The following CNNM3 variants were observed in gnomAD, a reference collection of about 807,000 sequenced individuals.
CNNM3 encodes the protein metal transporter CNNM3.
Under a neutral mutation model 57.1 loss-of-function variants are expected in CNNM3, and 47 were observed. That is an observed-to-expected ratio of 0.82 (90% CI 0.65 to 1.05). The LOEUF (loss-of-function observed/expected upper bound fraction) is 1.05. CNNM3 is among the 50% of genes least tolerant of loss of function. The probability of loss-of-function intolerance (pLI) is 0.00; values close to 1 mark genes in which losing one functional copy is unlikely to be tolerated. For synonymous variants in CNNM3, 507 were observed against 478.2 expected (o/e 1.06, Z -0.79); for missense variants, 957 against 973.7 (o/e 0.98, Z 0.23).
chr2:96,825,913 C>T (rs2079494368), intron 2 of CNNM3, among the ~76,000 whole-genome samples: 1 of 152,208 alleles, frequency 6.6e-6, no homozygotes, highest in African/African-American at 2.4e-5. Context: ...CTTCCCAAAG[C>T]AGCTGATCCC....
At position 96,816,391 on chromosome 2, in the gene CNNM3, G is replaced by A. The variant is rs1254904802; in HGVS notation, c.114G>A (p.Leu38=). 1.2e-5 allele frequency: 17 copies of A among 1,366,042 alleles called. No homozygotes were observed. The highest frequency in any genetic ancestry group is 1.5e-5 in the African/African-American group (1 of 65,382). 84.6% of individuals were successfully genotyped at this position (1,366,042 alleles called of 1,614,324 possible). The change falls in exon 1 of 8, where the codon CTG becomes CTA. Residue 38 remains leucine (L), a synonymous_variant. Coordinates refer to ENST00000305510, the MANE Select transcript of CNNM3 (RefSeq NM_017623.5). Reference sequence around the variant, plus strand: ...GCCCGCGAGTGCTGGGCTTCTGCCTGGAGGAGGATGGAGCGGCGGGCGCGG... The same window carrying A: ...GCCCGCGAGTGCTGGGCTTCTGCCTAGAGGAGGATGGAGCGGCGGGCGCGG... The part of the protein sequence containing the change: ...APGPRVLGFC[L]EEDGAAGAGW...
At chr2:96,817,741 G>T (rs560240561) in intron 1 of CNNM3, among the ~76,000 whole-genome samples, 1 of 145,562 alleles carries the variant, frequency 6.9e-6, no homozygotes, top group Non-Finnish European at 1.5e-5. Flanking sequence ...TAACCCCCGC[G>T]TCAGGATAGC....
rs2079663153 is a variant in CNNM3, at chr2:96,834,733, A to G, written c.*2117A>G. Among the ~76,000 whole-genome samples, 1 of 152,214 alleles carries G rather than the reference A, an allele frequency of 6.6e-6. No individual in the cohort carries two copies. Among genetic ancestry groups the G allele is most frequent in the African/African-American group, 2.4e-5 (1 of 41,446 alleles). ...ACCTTGGTACATTTATCAAAACTAA[A>G]GGTGCAATCATACTAATAGCTAGAG... On this transcript the variant is annotated 3_prime_UTR_variant, in exon 8 of 8. Coordinates refer to ENST00000305510, the MANE Select transcript of CNNM3 (RefSeq NM_017623.5).
intron 2 of CNNM3, among the ~76,000 whole-genome samples, chr2:96,826,376 CTAAT>C (rs2079505235): frequency 6.6e-6 from 1 of 152,086 alleles, no homozygotes; most frequent in African/African-American, 2.4e-5. Context: ...CCACACCCGT[CTAAT>C]TATTTTATTT....
At chr2:96,819,044 C>G (rs868587443) in intron 1 of CNNM3, among the ~76,000 whole-genome samples, 1 of 152,236 alleles carries the variant, frequency 6.6e-6, no homozygotes. Flanking sequence ...TTGCAGGAGG[C>G]CTGGGTGCTA....
chr2:96,817,553 TGAAAAGGGG>T, intron 1 of CNNM3, 51 bp downstream of exon 1: 1 of 1,533,194 alleles, frequency 6.5e-7, no homozygotes, highest in Non-Finnish European at 8.9e-7. Flanking sequence ...GCCCTCTCCC[TGAAAAGGGG>T]TGGAGAGTTA....
At chr2:96,829,325 C>T in intron 7 of CNNM3, 191 bp downstream of exon 7, 8 of 585,626 alleles carry the variant, frequency 1.4e-5, no homozygotes, top group Non-Finnish European at 1.5e-5. Context: ...TGGAGTCTTA[C>T]TCTGTTGCTC....
chr2:96,818,131 G>A (rs1574098323), intron 1 of CNNM3, among the ~76,000 whole-genome samples: 2 of 152,192 alleles, frequency 1.3e-5, no homozygotes, highest in Non-Finnish European at 2.9e-5. Flanking sequence ...CTGTCGCGCA[G>A]GCTGGAGTGC....
chr2:96,822,153 C>T (rs1025794351), intron 1 of CNNM3, among the ~76,000 whole-genome samples: 3 of 151,744 alleles, frequency 2.0e-5, no homozygotes, highest in African/African-American at 4.8e-5. Flanking sequence ...CAGGCGTGCA[C>T]CACCACGCCC....
intron 3 of CNNM3, among the ~76,000 whole-genome samples, chr2:96,827,481 T>C (rs2079528044): frequency 6.6e-6 from 1 of 152,078 alleles, no homozygotes; most frequent in Non-Finnish European, 1.5e-5. Context: ...TTGGCCAGGC[T>C]GGTCTCCAAC....
In CNNM3 at chr2:96,816,435, C is replaced by A; in HGVS notation, c.158C>A (p.Ala53Glu). ...GGCGCGGGTTGGGTACGCGGAGGGGCGGCGCGGGACACGCCGGACGCCACC... is the reference window on the plus strand; with the variant it reads ...GGCGCGGGTTGGGTACGCGGAGGGGAGGCGCGGGACACGCCGGACGCCACC... ...AAGAGWVRGGAARDTPDATFL... is the reference protein window; with the variant it reads ...AAGAGWVRGGEARDTPDATFL... The change falls in exon 1 of 8, where the codon GCG becomes GAG. Residue 53 changes from alanine (A) to glutamate (E), a missense_variant. By Grantham distance (107) the Ala-to-Glu change is moderately radical. Transcript: ENST00000305510. The A allele has an allele frequency of 7.2e-7, 1 of 1,398,532 alleles. No individual in the cohort carries two copies. The highest frequency in any genetic ancestry group is 9.3e-7 in the Non-Finnish European group (1 of 1,078,318). The allele number at this position is 1,398,532 out of a possible 1,614,324, so 86.6% of individuals were successfully genotyped here. A position where few individuals can be genotyped will look rare whatever the true frequency, so the allele number is the denominator to read the frequency against.
At chr2:96,836,486 C>A (rs1373434756), downstream of CNNM3, 1 of 152,132 alleles carries the variant, frequency 6.6e-6, no homozygotes, top group Non-Finnish European at 1.5e-5. Context: ...GATGATCTGC[C>A]CGCCTCAGCC....
Position 96,827,774 on chromosome 2 carries a change from G to A in CNNM3, c.1563G>A (p.Leu521=). 6.2e-7 allele frequency: 1 copy of A among 1,614,228 alleles called. No individual in the cohort carries two copies. Among genetic ancestry groups the A allele is most frequent in the South Asian group, 1.1e-5 (1 of 91,090 alleles). Residue 521 remains leucine (L), a synonymous_variant, in exon 4 of 8, where the codon CTG becomes CTA. Coordinates refer to ENST00000305510, the MANE Select transcript of CNNM3 (RefSeq NM_017623.5). ...CGCTGCGCATCTCTGAGAAGGTCCT[G>A]CTGCACCTGTTGAAGCATCCCAGTG... The part of the protein sequence containing the change: ...FSPLRISEKV[L]LHLLKHPSVN...
At chr2:96,829,298 T>G (rs925550740) in intron 7 of CNNM3, 164 bp downstream of exon 7, 3 of 718,874 alleles carry the variant, frequency 4.2e-6, no homozygotes, top group Non-Finnish European at 4.9e-6. Flanking sequence ...TATAAATAAT[T>G]TTTTTTTTTT....
intron 1 of CNNM3, chr2:96,824,774 C>T (rs3892872): frequency 2.0e-4 from 87 of 438,130 alleles, no homozygotes; most frequent in African/African-American, 1.4e-3. Flanking sequence ...TGGAGGTGCA[C>T]GGACCTGGAG....
chr2:96,824,793 C>G (rs1418701631), intron 1 of CNNM3: 2 of 477,908 alleles, frequency 4.2e-6, no homozygotes, highest in African/African-American at 3.9e-5. Context: ...AGCTGGATCC[C>G]AGCTCTGCCA....
chr2:96,829,399 C>A, intron 7 of CNNM3: 1 of 230,754 alleles, frequency 4.3e-6, no homozygotes, highest in Non-Finnish European at 7.1e-6. Context: ...CTCCTGGGTT[C>A]AAGCAGTTCT....
intron 7 of CNNM3, among the ~76,000 whole-genome samples, chr2:96,831,567 G>A (rs186974598): frequency 4.2e-4 from 64 of 152,352 alleles, no homozygotes; most frequent in Admixed American, 3.7e-3. Flanking sequence ...GATTGCTATG[G>A]CTGCCTTTGA....
At chr2:96,828,911 C>T in intron 6 of CNNM3, 85 bp from the exon 7 acceptor site, 2 of 1,574,854 alleles carry the variant, frequency 1.3e-6, no homozygotes, top group Non-Finnish European at 1.7e-6. Context: ...TGCCTCTGTC[C>T]TCTTCGGGCA....
Sources: allele counts gnomAD v4.1 joint callset (sites outside exome capture counted in the v4.1 genomes callset), GRCh38; gene constraint gnomAD v4.1.1; transcripts MANE v1.5; gene names NCBI Gene and HGNC (gene_info 2026-07-23, HGNC 2026-07-21).